GATB: variants seen among roughly 807,000 people sequenced by gnomAD.
The protein encoded by GATB is glutamyl-tRNA amidotransferase subunit B.
In GATB, 39 loss-of-function variants were observed where a neutral mutation model predicts 62.3. That is an observed-to-expected ratio of 0.63 (90% confidence interval 0.48 to 0.82). The LOEUF is 0.82. Ranked by LOEUF, GATB falls within the 40% of genes least tolerant of loss-of-function variation. The pLI, the probability that GATB is intolerant of heterozygous loss-of-function variation, is 0.00. For synonymous variants in GATB, 276 were observed against 258.9 expected (o/e 1.07, Z -0.63); for missense variants, 670 against 684.0 (o/e 0.98, Z 0.23).
chr4:151,705,056 CTAA>C, intron 7 of GATB, 126 bp downstream of exon 7: 1 of 634,810 alleles, frequency 1.6e-6, no homozygotes, highest in Non-Finnish European at 2.8e-6. Context: ...TCTAATTGTA[CTAA>C]TGAGGAAACC....
At chr4:151,676,929 C>T (rs918713994) in intron 11 of GATB, among the ~76,000 whole-genome samples, 9 of 152,152 alleles carry the variant, frequency 5.9e-5, no homozygotes, top group Non-Finnish European at 1.0e-4. Flanking sequence ...GGGTGAGAGA[C>T]AGGCAGAGAA....
At chr4:151,718,478 A>C (rs1738958624) in intron 3 of GATB, among the ~76,000 whole-genome samples, 1 of 152,184 alleles carries the variant, frequency 6.6e-6, no homozygotes, top group Non-Finnish European at 1.5e-5. Context: ...CACCTCAACC[A>C]AACTGTCTGT....
intron 2 of GATB, among the ~76,000 whole-genome samples, chr4:151,742,512 C>A (rs1247883210): frequency 6.6e-6 from 1 of 152,182 alleles, no homozygotes. Context: ...TATAAGGTTT[C>A]AACCTTAATA....
At chr4:151,703,976 A>G (rs142629884) in intron 7 of GATB, 81 bp from the exon 8 acceptor site, 64 of 904,444 alleles carry the variant, frequency 7.1e-5, no homozygotes, top group Admixed American at 5.4e-4. Flanking sequence ...TCCCCTACCA[A>G]TAAGGGGCAC....
chr4:151,679,694 C>T (rs1738095561), intron 11 of GATB, 119 bp downstream of exon 11: 2 of 836,446 alleles, frequency 2.4e-6, no homozygotes, highest in East Asian at 2.4e-5. Context: ...ATTAAAAACA[C>T]CACTACTGGC....
chr4:151,709,859 G>A (rs1277962619), intron 5 of GATB, among the ~76,000 whole-genome samples: 1 of 152,086 alleles, frequency 6.6e-6, no homozygotes, highest in Non-Finnish European at 1.5e-5. Context: ...TCCTCTGCTT[G>A]GTGCTCCACA....
chr4:151,760,350 G>C (rs1219073568), intron 1 of GATB, among the ~76,000 whole-genome samples: 2 of 152,162 alleles, frequency 1.3e-5, no homozygotes, highest in African/African-American at 2.4e-5. Flanking sequence ...TGCACAGATA[G>C]CTAGTGTTTT....
At position 151,708,098 on chromosome 4, in the gene GATB, C is replaced by A; in HGVS notation, c.767G>T (p.Gly256Val). ...TATATTGGCATCCACTCTCAACTGG[C>A]CCTCTGGAAGGAGAGAAGAAAACAA... ...LGTSQANMAE[G>V]QLRVDANISV... The change falls in exon 6 of 13, where the codon GGC becomes GTC. Residue 256 changes from glycine to valine, a missense_variant. Coordinates refer to ENST00000263985, the MANE Select transcript of GATB (RefSeq NM_004564.3). 1 of 1,607,884 alleles carries A rather than the reference C, an allele frequency of 6.2e-7. No individual in the cohort carries two copies. The highest frequency in any genetic ancestry group is 1.7e-5 in the Admixed American group (1 of 59,904).
intron 8 of GATB, 127 bp from the exon 9 acceptor site, chr4:151,701,645 T>A (rs1437671416): frequency 9.2e-6 from 6 of 655,366 alleles, no homozygotes; most frequent in Non-Finnish European, 1.4e-5. Flanking sequence ...TTTTCAAATG[T>A]CCTATTACGT....
In GATB at chr4:151,679,804, T is replaced by C. The variant is rs553618128; in HGVS notation, c.1410+9A>G. 6.2e-7 allele frequency: 1 copy of C among 1,612,086 alleles called. No homozygotes were observed. The highest frequency in any genetic ancestry group is 8.5e-7 in the Non-Finnish European group (1 of 1,178,118). ...GCACAGTCAGAAGCTGTCGGGAGTGTGGACATACCTGTTTAGCTGCTGATG... is the reference window on the plus strand; with the variant it reads ...GCACAGTCAGAAGCTGTCGGGAGTGCGGACATACCTGTTTAGCTGCTGATG... On this transcript the variant is annotated intron_variant, in intron 11 of 12. Coordinates refer to ENST00000263985, the MANE Select transcript of GATB (RefSeq NM_004564.3).
intron 11 of GATB, chr4:151,673,783 C>T (rs891109249): frequency 5.3e-5 from 8 of 152,172 alleles, no homozygotes; most frequent in Non-Finnish European, 8.8e-5. Context: ...GGAGGGCTTC[C>T]TCTGTTGGTC....
Position 151,730,924 on chromosome 4 carries a change from G to A in GATB, c.328-11386C>T, listed in dbSNP as rs1739231380. ...ACCAGCAATGAATCCAAATCAAGAA[G>A]AAATCCCTGATTTACCTGAAAAAGA... On this transcript the variant is annotated intron_variant, in intron 2 of 12. Coordinates refer to ENST00000263985, the MANE Select transcript of GATB (RefSeq NM_004564.3). The surrounding 1 kb of genome is among the most constrained non-coding windows in gnomAD (Gnocchi z 4.1). Among the ~76,000 whole-genome samples the A allele has an allele frequency of 6.6e-6, 1 of 152,140 alleles. No homozygotes were observed. The highest frequency in any genetic ancestry group is 6.5e-5 in the Admixed American group (1 of 15,280).
In GATB at chr4:151,732,027, G is replaced by A. The variant is rs1345486083; in HGVS notation, c.328-12489C>T. ...GGAGGTGGGGGGTCAGCCCCCGCCC[G>A]GCCAGCCGCCCCGTCCGGGAGGGAG... On this transcript the variant is annotated intron_variant, in intron 2 of 12. Coordinates refer to ENST00000263985, the MANE Select transcript of GATB (RefSeq NM_004564.3). Among the ~76,000 whole-genome samples, 69 of 131,176 alleles carry A rather than the reference G, an allele frequency of 5.3e-4. 1 individual carries two copies. The highest frequency in any genetic ancestry group is 7.4e-4 in the South Asian group (3 of 4,046). 86.1% of individuals were successfully genotyped at this position (131,176 alleles called of 152,430 possible). A position where few individuals can be genotyped will look rare whatever the true frequency, so the allele number is the denominator to read the frequency against.
intron 10 of GATB, among the ~76,000 whole-genome samples, chr4:151,684,587 C>T (rs897714450): frequency 6.6e-6 from 1 of 152,242 alleles, no homozygotes; most frequent in Non-Finnish European, 1.5e-5. Flanking sequence ...GCACTCATAG[C>T]TGAGGCTGTT....
At chr4:151,697,675 A>T (rs1738496854) in intron 9 of GATB, among the ~76,000 whole-genome samples, 1 of 148,704 alleles carries the variant, frequency 6.7e-6, no homozygotes, top group Middle Eastern at 3.3e-3. Context: ...ATATAAATTT[A>T]TATATATAGA....
At position 151,730,007 on chromosome 4, in the gene GATB, C is replaced by T. The variant is rs891281666; in HGVS notation, c.328-10469G>A. Among the ~76,000 whole-genome samples the T allele has an allele frequency of 3.3e-5, 5 of 152,138 alleles. No homozygotes were observed. Among genetic ancestry groups the T allele is most frequent in the African/African-American group, 1.2e-4 (5 of 41,420 alleles). On this transcript the variant is annotated intron_variant, in intron 2 of 12. Transcript: ENST00000263985. The surrounding 1 kb of genome is among the most constrained non-coding windows in gnomAD (Gnocchi z 4.1). ...CTGCTCCTACAGGACCCGGGAGACA[C>T]CCCAAATACTCTGGGAAGTGGAAAG...
intron 2 of GATB, among the ~76,000 whole-genome samples, chr4:151,724,932 T>C (rs973864182): frequency 1.2e-4 from 19 of 152,188 alleles, no homozygotes; most frequent in African/African-American, 4.6e-4. Context: ...CAAAAGACTA[T>C]AAGCTGTGAC....
At chr4:151,689,170 G>A (rs1388835257) in intron 9 of GATB, among the ~76,000 whole-genome samples, 4 of 152,178 alleles carry the variant, frequency 2.6e-5, no homozygotes. Context: ...CCTGTCCTCT[G>A]CTGAAGTCCC....
intron 11 of GATB, 129 bp from the exon 12 acceptor site, chr4:151,673,025 G>GCCTGGC: frequency 1.7e-6 from 2 of 1,189,818 alleles, no homozygotes; most frequent in Non-Finnish European, 2.3e-6. Context: ...CACTGCCTGG[G>GCCTGGC]CCTGGCCCAA....
Sources: allele counts gnomAD v4.1 joint callset (sites outside exome capture counted in the v4.1 genomes callset), GRCh38; gene constraint gnomAD v4.1.1; non-coding constraint Gnocchi (gnomAD v3.1); transcripts MANE v1.5; gene names NCBI Gene and HGNC (gene_info 2026-07-23, HGNC 2026-07-21).